The following TRMT9B variants were observed in gnomAD, a reference collection of about 807,000 sequenced individuals.
The protein encoded by TRMT9B is probable tRNA methyltransferase 9B.
TRMT9B carries 16 observed loss-of-function variants against 11.5 expected under a neutral mutation model. That is an observed-to-expected ratio of 1.39 (90% confidence interval 0.94 to 2.11). TRMT9B has a LOEUF of 2.11. Ranked by LOEUF, TRMT9B falls within the 30% of genes most tolerant of loss-of-function variation. The probability of loss-of-function intolerance (pLI) is 0.00; values close to 1 mark genes in which losing one functional copy is unlikely to be tolerated. For synonymous variants in TRMT9B, 274 were observed against 192.4 expected (o/e 1.42, Z -3.51); for missense variants, 941 against 553.8 (o/e 1.70, Z -7.02).
chr8:13,023,564 A>G lies in TRMT9B; in HGVS notation c.*1520A>G, dbSNP rs1814279266. 1 of 167,126 alleles carries G rather than the reference A, an allele frequency of 6.0e-6. No individual in the cohort carries two copies. Among genetic ancestry groups the G allele is most frequent in the Non-Finnish European group, 1.5e-5 (1 of 68,128 alleles). 10.4% of individuals were successfully genotyped at this position (167,126 alleles called of 1,614,324 possible). A position where few individuals can be genotyped will look rare whatever the true frequency, so the allele number is the denominator to read the frequency against. ...ATGTCATGGATCCTGAGACACAAAT[A>G]TAATTAAGACAGGTCTAGAGACAGG... is the stretch of plus-strand genomic sequence containing the variant. On this transcript the variant is annotated 3_prime_UTR_variant, in exon 5 of 5. Coordinates refer to ENST00000524591, the MANE Select transcript of TRMT9B (RefSeq NM_020844.3).
rs577201616 is a variant in TRMT9B at position 12,990,609 on chromosome 8, A to G, written c.-199-225A>G. 2.0e-5 allele frequency among the ~76,000 whole-genome samples: 3 copies of G among 152,348 alleles called. No homozygotes were observed. The East Asian group carries it at 5.8e-4, about 29-fold the overall frequency. On this transcript the variant is annotated intron_variant, in intron 1 of 4. Transcript: ENST00000524591. ...AGATGAAATCATTCAATTTAATTTT[A>G]GGAGAAAGTATTGTATGTTTTATAG...
At chr8:12,987,500 G>A (rs963281186) in intron 1 of TRMT9B, among the ~76,000 whole-genome samples, 1 of 152,090 alleles carries the variant, frequency 6.6e-6, no homozygotes, top group Non-Finnish European at 1.5e-5. Flanking sequence ...AGACCAGCCT[G>A]GGGAACGTAG....
intron 1 of TRMT9B, among the ~76,000 whole-genome samples, chr8:12,964,026 T>C (rs1316643197): frequency 6.6e-6 from 1 of 152,202 alleles, no homozygotes; most frequent in Non-Finnish European, 1.5e-5. Context: ...TGTTTTTGAC[T>C]CTGATCTTCT....
intron 2 of TRMT9B, 38 bp downstream of exon 2, chr8:12,991,069 T>C: frequency 1.4e-5 from 15 of 1,081,792 alleles, no homozygotes; most frequent in Non-Finnish European, 1.4e-5. Context: ...TCACATACCA[T>C]GAGGTGTTTT....
chr8:12,951,593 G>C (rs1800623202), intron 1 of TRMT9B: 1 of 152,182 alleles, frequency 6.6e-6, no homozygotes. Flanking sequence ...GGAGGCGACA[G>C]TCCCCGGCTC....
At chr8:12,972,904 G>C (rs1348541477) in intron 1 of TRMT9B, among the ~76,000 whole-genome samples, 1 of 152,088 alleles carries the variant, frequency 6.6e-6, no homozygotes, top group Non-Finnish European at 1.5e-5. Context: ...TAACAGTCTT[G>C]TGCAACCATC....
At chr8:12,969,238 A>G (rs1803248453) in intron 1 of TRMT9B, among the ~76,000 whole-genome samples, 1 of 151,846 alleles carries the variant, frequency 6.6e-6, no homozygotes, top group Non-Finnish European at 1.5e-5. Flanking sequence ...AAAATACTGA[A>G]AGGCCCACCG....
At chr8:13,011,351 G>T (rs151028925) in intron 3 of TRMT9B, 2 of 985,246 alleles carry the variant, frequency 2.0e-6, no homozygotes, top group East Asian at 1.1e-4. Flanking sequence ...TCTTAAGTTT[G>T]CTTTTACTGT....
intron 1 of TRMT9B, among the ~76,000 whole-genome samples, chr8:12,967,338 A>T (rs1490441556): frequency 6.6e-6 from 1 of 152,216 alleles, no homozygotes; most frequent in Non-Finnish European, 1.5e-5. Context: ...CTGAGACTTG[A>T]CTTTGGGACT....
chr8:12,978,515 AGAT>A (rs34932594), intron 1 of TRMT9B, among the ~76,000 whole-genome samples: 385 of 6,656 alleles, frequency 0.058, 1 homozygote, highest in African/African-American at 0.11. Context: ...GATGATAGAT[AGAT>A]GATAGATAGA....
intron 3 of TRMT9B, chr8:13,007,360 G>C (rs1362876409): frequency 6.6e-6 from 1 of 152,196 alleles, no homozygotes; most frequent in Non-Finnish European, 1.5e-5. Flanking sequence ...CAGCTTAGTA[G>C]ATCTAGGACT....
In TRMT9B at chr8:13,014,207, G is replaced by A. The variant is rs192905122; in HGVS notation, c.328+1350G>A. The stretch of plus-strand genomic sequence containing the variant: ...TGGTTGCTATGGAAACTTGCTCTCT[G>A]ATAGTCTCATTTGCAGTTGAAACTG... On this transcript the variant is annotated intron_variant, in intron 4 of 4. Coordinates refer to ENST00000524591, the MANE Select transcript of TRMT9B (RefSeq NM_020844.3). Among the ~76,000 whole-genome samples, 189 of 152,328 alleles carry A rather than the reference G, an allele frequency of 1.2e-3. 1 individual carries two copies. The highest frequency in any genetic ancestry group is 4.1e-3 in the African/African-American group (170 of 41,570).
intron 2 of TRMT9B, among the ~76,000 whole-genome samples, chr8:12,995,974 C>G: frequency 6.6e-6 from 1 of 152,036 alleles, no homozygotes; most frequent in Admixed American, 6.6e-5. Context: ...TCATAAGGTA[C>G]TGAAATAACT....
chr8:13,016,256 G>T (rs1249911083), intron 4 of TRMT9B, among the ~76,000 whole-genome samples: 2 of 145,398 alleles, frequency 1.4e-5, no homozygotes, highest in East Asian at 2.0e-4. Context: ...ATATAAATGT[G>T]AAATATATAT....
In TRMT9B at chr8:13,024,050, T is replaced by C; in HGVS notation, c.*2006T>C. 1 of 150,560 alleles carries C rather than the reference T, an allele frequency of 6.6e-6. No individual in the cohort carries two copies. The allele number at this position is 150,560 out of a possible 1,614,324, so 9.3% of individuals were successfully genotyped here. On this transcript the variant is annotated 3_prime_UTR_variant, in exon 5 of 5. Transcript: ENST00000524591. ...TTGGTTTCTTCTATTTCTTTTTTTT[T>C]TTTTTTTTTTTGAGACAGAGTCTCG...
intron 2 of TRMT9B, among the ~76,000 whole-genome samples, chr8:12,999,457 TA>T (rs1440167140): frequency 2.0e-5 from 3 of 152,242 alleles, no homozygotes; most frequent in South Asian, 2.1e-4. Flanking sequence ...CATATGTATG[TA>T]AAAACATCAA....
chr8:12,946,590 G>A (rs1293945090), intron 1 of TRMT9B, among the ~76,000 whole-genome samples: 2 of 152,194 alleles, frequency 1.3e-5, no homozygotes, highest in Non-Finnish European at 2.9e-5. Flanking sequence ...AGCAAGATGA[G>A]AGCATGGGAT....
At chr8:12,988,429 C>G (rs190529474) in intron 1 of TRMT9B, among the ~76,000 whole-genome samples, 3 of 152,156 alleles carry the variant, frequency 2.0e-5, no homozygotes, top group Non-Finnish European at 4.4e-5. Context: ...TTAGTCCATT[C>G]TCAGGCTACT....
At chr8:13,008,970 C>T (rs184378489) in intron 3 of TRMT9B, among the ~76,000 whole-genome samples, 20 of 152,250 alleles carry the variant, frequency 1.3e-4, no homozygotes, top group Admixed American at 1.3e-4. Context: ...CTTTGTGATC[C>T]ACCGACCTTC....
Sources: allele counts gnomAD v4.1 joint callset (sites outside exome capture counted in the v4.1 genomes callset), GRCh38; gene constraint gnomAD v4.1.1; transcripts MANE v1.5; gene names NCBI Gene and HGNC (gene_info 2026-07-23, HGNC 2026-07-21).